Variants in CD86 observed in about 807,000 individuals in gnomAD.
CD86 encodes the protein CD86 molecule, also known as T-lymphocyte activation antigen CD86.
CD86 carries 11 observed loss-of-function variants against 32.1 expected under a neutral mutation model. The observed-to-expected ratio is 0.34, with a 90% CI of 0.22 to 0.57. The LOEUF (loss-of-function observed/expected upper bound fraction) is 0.57, where lower values mean the gene tolerates loss of function less well. CD86 is among the 20% of genes least tolerant of loss of function. The pLI, the probability that CD86 is intolerant of heterozygous loss-of-function variation, is 0.86. For synonymous variants in CD86, 137 were observed against 135.3 expected (o/e 1.01, Z -0.09); for missense variants, 359 against 398.4 (o/e 0.90, Z 0.84).
chr3:122,088,182 CTT>C lies in CD86; in HGVS notation c.15-3400_15-3399del, dbSNP rs60476471. On this transcript the variant is annotated intron_variant, in intron 1 of 6. Coordinates refer to ENST00000330540, the MANE Select transcript of CD86 (RefSeq NM_175862.5). Reference sequence around the variant, plus strand: ...TGGGAGTTCAGATTCAAAGGGCCCTCTTTTTTTTTTTTTTTTTTTTGTAGTAG... The same window carrying C: ...TGGGAGTTCAGATTCAAAGGGCCCTCTTTTTTTTTTTTTTTTTTGTAGTAG... 2.8e-3 allele frequency among the ~76,000 whole-genome samples: 321 copies of C among 113,302 alleles called. 1 individual carries two copies. The highest frequency in any genetic ancestry group is 7.4e-3 in the African/African-American group (225 of 30,268). 74.3% of individuals were successfully genotyped at this position (113,302 alleles called of 152,430 possible). A position where few individuals can be genotyped will look rare whatever the true frequency, so the allele number is the denominator to read the frequency against.
At chr3:122,081,958 T>C (rs1211939601) in intron 1 of CD86, among the ~76,000 whole-genome samples, 1 of 152,206 alleles carries the variant, frequency 6.6e-6, no homozygotes, top group Non-Finnish European at 1.5e-5. Flanking sequence ...TGTACCATAT[T>C]GTCTACTGTG....
chr3:122,095,030 T>TCAAAA (rs2072884247), intron 2 of CD86, among the ~76,000 whole-genome samples: 1 of 152,218 alleles, frequency 6.6e-6, no homozygotes, highest in Non-Finnish European at 1.5e-5. Flanking sequence ...AGGAAGTATC[T>TCAAAA]TTCCAGTTTG....
chr3:122,072,415 T>C (rs993139229), intron 1 of CD86, among the ~76,000 whole-genome samples: 1 of 152,046 alleles, frequency 6.6e-6, no homozygotes, highest in Non-Finnish European at 1.5e-5. Context: ...TTTTAATGAT[T>C]GCCATTCTAA....
intron 1 of CD86, among the ~76,000 whole-genome samples, chr3:122,084,400 T>C (rs2072683110): frequency 6.6e-6 from 1 of 152,234 alleles, no homozygotes; most frequent in Non-Finnish European, 1.5e-5. Context: ...GTCTCCATCA[T>C]AGCTGTTCAA....
intron 1 of CD86, among the ~76,000 whole-genome samples, chr3:122,081,557 C>T (rs574410664): frequency 4.6e-5 from 7 of 152,298 alleles, no homozygotes; most frequent in South Asian, 2.1e-4. Context: ...GGACAGAGGA[C>T]GATAGCTACC....
At chr3:122,059,209 G>A (rs1291791292) in intron 1 of CD86, among the ~76,000 whole-genome samples, 1 of 152,142 alleles carries the variant, frequency 6.6e-6, no homozygotes, top group African/African-American at 2.4e-5. Flanking sequence ...GCATAAGTAT[G>A]GTTGACAGTT....
chr3:122,097,736 G>C (rs1393320968), intron 2 of CD86, among the ~76,000 whole-genome samples: 2 of 152,150 alleles, frequency 1.3e-5, no homozygotes, highest in Non-Finnish European at 2.9e-5. Flanking sequence ...TGTCTTTAGG[G>C]CTAGGAGTGG....
At chr3:122,074,338 A>G (rs1481649778) in intron 1 of CD86, among the ~76,000 whole-genome samples, 1 of 152,148 alleles carries the variant, frequency 6.6e-6, no homozygotes, top group African/African-American at 2.4e-5. Context: ...CCTCTAAGCC[A>G]CCGGTATCAT....
chr3:122,059,181 G>A (rs1319187753), intron 1 of CD86, among the ~76,000 whole-genome samples: 1 of 152,136 alleles, frequency 6.6e-6, no homozygotes, highest in African/African-American at 2.4e-5. Context: ...GGCCTGGAAT[G>A]CACATGAAGA....
chr3:122,101,513 A>AATATAT (rs58001956), intron 2 of CD86, among the ~76,000 whole-genome samples: 2,144 of 45,308 alleles, frequency 0.047, 45 homozygotes, highest in Non-Finnish European at 0.069. Flanking sequence ...AAAAAAAAAA[A>AATATAT]ATATATATAT....
At chr3:122,106,574 C>T in intron 4 of CD86, 74 bp downstream of exon 4, 2 of 1,327,056 alleles carry the variant, frequency 1.5e-6, no homozygotes, top group Non-Finnish European at 2.1e-6. Flanking sequence ...CATCCAATGT[C>T]CCCGACTTGC....
intron 1 of CD86, among the ~76,000 whole-genome samples, chr3:122,087,514 C>T (rs535778850): frequency 7.2e-5 from 11 of 152,172 alleles, no homozygotes; most frequent in Non-Finnish European, 1.6e-4. Flanking sequence ...ACACACACAT[C>T]ACACATCATG....
intron 5 of CD86, among the ~76,000 whole-genome samples, chr3:122,110,167 T>A (rs560609239): frequency 3.3e-5 from 5 of 152,336 alleles, no homozygotes; most frequent in South Asian, 4.1e-4. Context: ...TTCTACAGCA[T>A]CATTTTTAAT....
At chr3:122,064,713 T>C (rs1458127225) in intron 1 of CD86, among the ~76,000 whole-genome samples, 1 of 152,166 alleles carries the variant, frequency 6.6e-6, no homozygotes, top group African/African-American at 2.4e-5. Context: ...CTGGAGGGGC[T>C]GGTTTGGTAT....
chr3:122,091,070 T>C (rs1461649338), intron 1 of CD86, among the ~76,000 whole-genome samples: 1 of 152,244 alleles, frequency 6.6e-6, no homozygotes, highest in Non-Finnish European at 1.5e-5. Flanking sequence ...GCCCCCATCA[T>C]GCCTGTTATG....
At chr3:122,073,924 A>G (rs1265583288) in intron 1 of CD86, among the ~76,000 whole-genome samples, 1 of 152,206 alleles carries the variant, frequency 6.6e-6, no homozygotes, top group Non-Finnish European at 1.5e-5. Context: ...CCAGTTGAAA[A>G]AGAGACTGTA....
At chr3:122,097,670 A>G (rs1008317813) in intron 2 of CD86, among the ~76,000 whole-genome samples, 4 of 152,110 alleles carry the variant, frequency 2.6e-5, no homozygotes, top group African/African-American at 9.7e-5. Context: ...GAGGAAAATG[A>G]GGTGAGAGGG....
chr3:122,058,371 T>C (rs2072273117), intron 1 of CD86, among the ~76,000 whole-genome samples: 1 of 151,972 alleles, frequency 6.6e-6, no homozygotes, highest in African/African-American at 2.4e-5. Context: ...GGAAGCCAAA[T>C]GGTAGAAAGG....
intron 2 of CD86, among the ~76,000 whole-genome samples, chr3:122,099,946 G>A (rs1382805965): frequency 1.3e-5 from 2 of 152,168 alleles, no homozygotes; most frequent in Non-Finnish European, 2.9e-5. Flanking sequence ...AACAACAGTT[G>A]TAGAAGGAGT....
Sources: gnomAD v4.1 joint callset for allele counts (sites outside exome capture counted in the v4.1 genomes callset) on GRCh38, gnomAD v4.1.1 for gene constraint, MANE v1.5 for transcripts, NCBI Gene and HGNC (gene_info 2026-07-23, HGNC 2026-07-21) for gene names.